Variants in GJB2 observed in about 807,000 individuals in gnomAD.
GJB2 encodes gap junction protein beta 2, also known as gap junction beta-2 protein.
GJB2 carries 30 observed loss-of-function variants against 16.0 expected under a neutral mutation model. The ratio of observed to expected loss-of-function variants is 1.88; its 90% CI spans 1.41 to 2.55. The LOEUF is 2.55. Ranked by LOEUF, GJB2 falls within the 30% of genes most tolerant of loss-of-function variation. The probability of loss-of-function intolerance (pLI) is 0.00; values close to 1 mark genes in which losing one functional copy is unlikely to be tolerated. For synonymous variants in GJB2, 123 were observed against 119.1 expected, an observed-to-expected ratio of 1.03 and a Z score of -0.21; for missense variants, 284 against 289.7, an observed-to-expected ratio of 0.98 and a Z score of 0.14.
At chr13:20,191,937 G>A (rs1343200005) in intron 1 of GJB2, among the ~76,000 whole-genome samples, 1 of 152,228 alleles carries the variant, frequency 6.6e-6, no homozygotes, top group Non-Finnish European at 1.5e-5. Context: ...GGGACTCTAA[G>A]GTCACATGGG....
rs111033460 is a variant in GJB2, at chr13:20,188,898, G to A, written c.*3C>T. 1.1e-5 allele frequency: 17 copies of A among 1,609,550 alleles called. No homozygotes were observed. The highest frequency in any genetic ancestry group is 1.4e-5 in the Non-Finnish European group (16 of 1,176,762). ...TTTCTTAATCTAACAACTGGGCAAT[G>A]CGTTAAACTGGCTTTTTTGACTTCC... On this transcript the variant is annotated 3_prime_UTR_variant, in exon 2 of 2. Coordinates refer to ENST00000382848, the MANE Select transcript of GJB2 (RefSeq NM_004004.6).
rs888444898 is a variant in GJB2, at chr13:20,189,423, G to A, written c.159C>T (p.Cys53=). The A allele has an allele frequency of 6.2e-7, 1 of 1,612,558 alleles. No individual in the cohort carries two copies. The highest frequency in any genetic ancestry group is 8.5e-7 in the Non-Finnish European group (1 of 1,178,632). Residue 53 remains cysteine, a synonymous_variant, in exon 2 of 2, where the codon TGC becomes TGT. Transcript: ENST00000382848. The stretch of plus-strand genomic sequence containing the variant: ...TCTTGCAGCCTGGCTGCAGGGTGTT[G>A]CAGACAAAGTCGGCCTGCTCATCTC... The part of the protein sequence containing the change: ...VWGDEQADFV[C]NTLQPGCKNV...
chr13:20,192,296 C>T (rs1959081470), intron 1 of GJB2, among the ~76,000 whole-genome samples: 1 of 152,176 alleles, frequency 6.6e-6, no homozygotes, highest in Non-Finnish European at 1.5e-5. Context: ...AATCTCTGCC[C>T]GGGGATTTTT....
chr13:20,189,765 T>C lies in GJB2; in HGVS notation c.-22-162A>G, dbSNP rs903999405. Reference sequence around the variant, plus strand: ...AGGTGAAGACAGAACCAACTTAGTTTGTCATAGGATTAAATGTATAGTTCC... The same window carrying C: ...AGGTGAAGACAGAACCAACTTAGTTCGTCATAGGATTAAATGTATAGTTCC... On this transcript the variant is annotated intron_variant, in intron 1 of 1. Coordinates refer to ENST00000382848, the MANE Select transcript of GJB2 (RefSeq NM_004004.6). 7.4e-6 allele frequency: 5 copies of C among 671,870 alleles called. No individual in the cohort carries two copies. The African/African-American group carries it at 9.0e-5, about 12-fold the overall frequency. The allele number at this position is 671,870 out of a possible 1,614,324, so 41.6% of individuals were successfully genotyped here.
chr13:20,192,102 G>C (rs1320842339), intron 1 of GJB2, among the ~76,000 whole-genome samples: 2 of 152,188 alleles, frequency 1.3e-5, no homozygotes, highest in Non-Finnish European at 2.9e-5. Context: ...TGAGGACGCG[G>C]GTCTCAGCCG....
At chr13:20,189,687 T>G in intron 1 of GJB2, 84 bp from the exon 2 acceptor site, 2 of 1,040,912 alleles carry the variant, frequency 1.9e-6, no homozygotes, top group Non-Finnish European at 3.0e-6. Context: ...TAAGCAAGCA[T>G]GCTTAAATCT....
At chr13:20,190,531 C>T (rs1593352352) in intron 1 of GJB2, among the ~76,000 whole-genome samples, 1 of 152,256 alleles carries the variant, frequency 6.6e-6, no homozygotes, top group East Asian at 1.9e-4. Flanking sequence ...CCCTCGGTTA[C>T]TGGCCCAGCT....
intron 1 of GJB2, among the ~76,000 whole-genome samples, chr13:20,190,859 C>T (rs555335149): frequency 9.8e-5 from 15 of 152,294 alleles, no homozygotes; most frequent in Middle Eastern, 3.4e-3. Flanking sequence ...AGTTGCATCC[C>T]GTTTTCTGAT....
chr13:20,189,648 C>G (rs938342119), intron 1 of GJB2, 45 bp from the exon 2 acceptor site: 11 of 1,412,252 alleles, frequency 7.8e-6, no homozygotes, highest in Non-Finnish European at 1.1e-5. Flanking sequence ...CTAGCTAGGA[C>G]AGAACAGGGA....
intron 1 of GJB2, among the ~76,000 whole-genome samples, chr13:20,191,180 C>T (rs1349749092): frequency 1.3e-5 from 2 of 152,052 alleles, no homozygotes; most frequent in Non-Finnish European, 2.9e-5. Context: ...TCAGGCCAGT[C>T]CCGTCCCAAC....
chr13:20,191,004 A>C (rs1959073288), intron 1 of GJB2, among the ~76,000 whole-genome samples: 1 of 152,200 alleles, frequency 6.6e-6, no homozygotes, highest in African/African-American at 2.4e-5. Flanking sequence ...CACGAAAGTT[A>C]CATCAGATTG....
Position 20,188,760 on chromosome 13 carries a change from C to A in GJB2, c.*141G>T, listed in dbSNP as rs770765291. 7.1e-6 allele frequency: 5 copies of A among 708,888 alleles called. No individual in the cohort carries two copies. In the East Asian group the frequency reaches 1.3e-4, roughly 19 times the overall value. 43.9% of individuals were successfully genotyped at this position (708,888 alleles called of 1,614,324 possible). On this transcript the variant is annotated 3_prime_UTR_variant, in exon 2 of 2. Transcript: ENST00000382848. ...TGGCATCTGGAGTTTCACCTGAGGC[C>A]TACAGGGGTTTCAAATGGTTGCATT...
At chr13:20,192,626 C>G (rs565621815) in intron 1 of GJB2, among the ~76,000 whole-genome samples, 157 bp downstream of exon 1, 1 of 152,230 alleles carries the variant, frequency 6.6e-6, no homozygotes, top group South Asian at 2.1e-4. Context: ...CAGAAACGCC[C>G]GCTCCAGAAG....
Position 20,190,226 on chromosome 13 carries a change from A to C in GJB2, c.-22-623T>G, listed in dbSNP as rs74035962. Among the ~76,000 whole-genome samples, 1,083 of 152,342 alleles carry C rather than the reference A, an allele frequency of 7.1e-3. 17 individuals carry two copies. Among genetic ancestry groups the C allele is most frequent in the African/African-American group, 0.024 (1,017 of 41,566 alleles). On this transcript the variant is annotated intron_variant, in intron 1 of 1. Transcript: ENST00000382848. The stretch of plus-strand genomic sequence containing the variant: ...GTGAAACTGTTGTTACCAGTGGTTA[A>C]GTTTACATTTGAGGCACCCCGAGTT...
At position 20,189,346 on chromosome 13, in the gene GJB2, A is replaced by G. The variant is rs1555341957; in HGVS notation, c.236T>C (p.Leu79Pro). ...TGGCGTGGACACGAAGATCAGCTGC[A>G]GGGCCCATAGCCGGATGTGGGAGAT... ...FPISHIRLWA[L>P]QLIFVSTPAL... The change falls in exon 2 of 2, where the codon CTG becomes CCG. Residue 79 changes from leucine to proline, a missense_variant. Transcript: ENST00000382848. 6.2e-7 allele frequency: 1 copy of G among 1,614,140 alleles called. No individual in the cohort carries two copies. Among genetic ancestry groups the G allele is most frequent in the Non-Finnish European group, 8.5e-7 (1 of 1,180,028 alleles).
Position 20,189,344 on chromosome 13 carries a change from G to A in GJB2, c.238C>T (p.Gln80Ter), listed in dbSNP as rs199883710. The part of the protein sequence containing the change: ...PISHIRLWAL[Q>*]LIFVSTPALL... ...GCTGGCGTGGACACGAAGATCAGCTGCAGGGCCCATAGCCGGATGTGGGAG... is the reference window on the plus strand; with the variant it reads ...GCTGGCGTGGACACGAAGATCAGCTACAGGGCCCATAGCCGGATGTGGGAG... Residue 80 changes from glutamine to a stop codon, truncating the protein, a stop_gained, in exon 2 of 2, where the codon CAG becomes TAG. Coordinates refer to ENST00000382848, the MANE Select transcript of GJB2 (RefSeq NM_004004.6). LOFTEE classifies it high-confidence loss of function. 16 of 1,614,160 alleles carry A rather than the reference G, an allele frequency of 9.9e-6. No homozygotes were observed. In the African/African-American group the frequency reaches 1.6e-4, roughly 16 times the overall value.
At chr13:20,189,707 C>A (rs1274445834) in intron 1 of GJB2, 104 bp from the exon 2 acceptor site, 3 of 862,728 alleles carry the variant, frequency 3.5e-6, no homozygotes, top group Non-Finnish European at 5.8e-6. Flanking sequence ...TCTTCCTGAG[C>A]AAACACCAAC....
Position 20,189,289 on chromosome 13 carries a change from C to T in GJB2, c.293G>A (p.Arg98Gln), listed in dbSNP as rs771053295. 12 of 1,613,836 alleles carry T rather than the reference C, an allele frequency of 7.4e-6. No homozygotes were observed. Among genetic ancestry groups the T allele is most frequent in the East Asian group, 2.2e-5 (1 of 44,898 alleles). Reference protein sequence around the residue: ...ALLVAMHVAYRRHEKKRKFIK... With the variant: ...ALLVAMHVAYQRHEKKRKFIK... ...GAACTTCCTCTTCTTCTCATGTCTCCGGTAGGCCACGTGCATGGCCACTAG... is the reference window on the plus strand; with the variant it reads ...GAACTTCCTCTTCTTCTCATGTCTCTGGTAGGCCACGTGCATGGCCACTAG... The change falls in exon 2 of 2, where the codon CGG (arginine) becomes CAG (glutamine). Residue 98 changes from arginine to glutamine, a missense_variant. Coordinates refer to ENST00000382848, the MANE Select transcript of GJB2 (RefSeq NM_004004.6).
At position 20,187,642 on chromosome 13, in the gene GJB2, T is replaced by A. The variant is rs1959047359; in HGVS notation, c.*1259A>T. 1 of 152,214 alleles carries A rather than the reference T, an allele frequency of 6.6e-6. No homozygotes were observed. The highest frequency in any genetic ancestry group is 2.4e-5 in the African/African-American group (1 of 41,456). 9.4% of individuals were successfully genotyped at this position (152,214 alleles called of 1,614,324 possible). ...CACTGAAATATGTGGAGTACCATTT[T>A]TTGGAAACCATGTCAAGCATAATGG... On this transcript the variant is annotated 3_prime_UTR_variant, in exon 2 of 2. Coordinates refer to ENST00000382848, the MANE Select transcript of GJB2 (RefSeq NM_004004.6).
Sources: allele counts gnomAD v4.1 joint callset (sites outside exome capture counted in the v4.1 genomes callset), GRCh38; gene constraint gnomAD v4.1.1; transcripts MANE v1.5; gene names NCBI Gene and HGNC (gene_info 2026-07-23, HGNC 2026-07-21).